The following PTPRN2 variants were observed in gnomAD, a reference collection of about 807,000 sequenced individuals.
PTPRN2 encodes receptor-type tyrosine-protein phosphatase N2.
Under a neutral mutation model 118.8 loss-of-function variants are expected in PTPRN2, and 74 were observed. The ratio of observed to expected loss-of-function variants is 0.62; its 90% CI spans 0.52 to 0.76. The LOEUF (loss-of-function observed/expected upper bound fraction) is 0.76. Among genes scored for constraint, PTPRN2 ranks in the 30% least tolerant of loss-of-function variants. The probability of loss-of-function intolerance (pLI) is 0.00; values close to 1 mark genes in which losing one functional copy is unlikely to be tolerated. For synonymous variants in PTPRN2, 641 were observed against 608.0 expected, an observed-to-expected ratio of 1.05 and a Z score of -0.80; for missense variants, 1,481 against 1,394.4, an observed-to-expected ratio of 1.06 and a Z score of -0.99.
chr7:158,209,542 T>C lies in PTPRN2; in HGVS notation c.278-4269A>G, dbSNP rs574417494. 2.6e-5 allele frequency among the ~76,000 whole-genome samples: 4 copies of C among 152,344 alleles called. No homozygotes were observed. In the South Asian group the frequency reaches 8.3e-4, roughly 32 times the overall value. On this transcript the variant is annotated intron_variant, in intron 3 of 22. Coordinates refer to ENST00000389418, the MANE Select transcript of PTPRN2 (RefSeq NM_002847.5). ...TACCCAACACTGGAGCATCCAGATA[T>C]ATAAAACAAATTTTATTAGAGTTAA... is the stretch of plus-strand genomic sequence containing the variant.
rs556797081 is a variant in PTPRN2 at position 158,469,836 on chromosome 7, T to C, written c.163+19899A>G. Among the ~76,000 whole-genome samples, 81 of 143,020 alleles carry C rather than the reference T, an allele frequency of 5.7e-4. 1 individual carries two copies. The South Asian group carries it at 0.018, about 32-fold the overall frequency. 93.8% of individuals were successfully genotyped at this position (143,020 alleles called of 152,430 possible). A position where few individuals can be genotyped will look rare whatever the true frequency, so the allele number is the denominator to read the frequency against. On this transcript the variant is annotated intron_variant, in intron 2 of 22. Coordinates refer to ENST00000389418, the MANE Select transcript of PTPRN2 (RefSeq NM_002847.5). ...TGGGATCTGTCCTATTGCATCACAATGGGCTGTCGCCATAACAGGAGCTGG... is the reference window on the plus strand; with the variant it reads ...TGGGATCTGTCCTATTGCATCACAACGGGCTGTCGCCATAACAGGAGCTGG...
chr7:158,167,680 T>C (rs577388242), intron 5 of PTPRN2, among the ~76,000 whole-genome samples: 1 of 152,322 alleles, frequency 6.6e-6, no homozygotes, highest in East Asian at 1.9e-4. Flanking sequence ...CCTCCCACCC[T>C]GACACTGCTC....
At chr7:158,245,182 CGGAATCCGTGGTCATGCT>C (rs1222688309) in intron 3 of PTPRN2, among the ~76,000 whole-genome samples, 1 of 101,152 alleles carries the variant, frequency 9.9e-6, no homozygotes, top group Non-Finnish European at 2.2e-5. Flanking sequence ...ATGGCCATGC[CGGAATCCGTGGTCATGCT>C]GGAATCCACG....
intron 11 of PTPRN2, among the ~76,000 whole-genome samples, chr7:158,078,553 T>C (rs1342312101): frequency 1.3e-5 from 2 of 152,278 alleles, no homozygotes; most frequent in Non-Finnish European, 2.9e-5. Context: ...CCTGCTATCA[T>C]GTCAGCCTGT....
chr7:157,775,330 G>A (rs1803135466), intron 12 of PTPRN2, among the ~76,000 whole-genome samples: 2 of 152,212 alleles, frequency 1.3e-5, no homozygotes, highest in South Asian at 4.1e-4. Context: ...AGCCGCAGTG[G>A]CCAGGCTACC....
chr7:157,739,856 G>A (rs1800519591), intron 12 of PTPRN2, among the ~76,000 whole-genome samples: 1 of 152,216 alleles, frequency 6.6e-6, no homozygotes, highest in South Asian at 2.1e-4. Flanking sequence ...GAGCTCCTGG[G>A]CCGCTCATTC....
At position 157,974,868 on chromosome 7, in the gene PTPRN2, C is replaced by G. The variant is rs76399448; in HGVS notation, c.1724-76131G>C. ...GGCGGGCACTGAGAAGAGGTGCCCA[C>G]GTCCATCCCCAGCCCCTCAGGCATG... On this transcript the variant is annotated intron_variant, in intron 11 of 22. Coordinates refer to ENST00000389418, the MANE Select transcript of PTPRN2 (RefSeq NM_002847.5). The surrounding 1 kb of genome is among the most constrained non-coding windows in gnomAD (Gnocchi z 4.0). Among the ~76,000 whole-genome samples, 492 of 152,158 alleles carry G rather than the reference C, an allele frequency of 3.2e-3. 1 individual carries two copies. The highest frequency in any genetic ancestry group is 5.2e-3 in the Non-Finnish European group (350 of 67,958).
chr7:158,561,220 G>A (rs1444040406), intron 1 of PTPRN2, among the ~76,000 whole-genome samples: 3 of 152,222 alleles, frequency 2.0e-5, no homozygotes, highest in Non-Finnish European at 2.9e-5. Flanking sequence ...AATGATTCTA[G>A]AAGTAATAAC....
chr7:158,262,882 CATACAT>C (rs1187174217), intron 3 of PTPRN2, among the ~76,000 whole-genome samples: 2 of 108,764 alleles, frequency 1.8e-5, no homozygotes, highest in East Asian at 5.4e-4. Context: ...ACTGCACACA[CATACAT>C]TCACACACAC....
At position 158,150,954 on chromosome 7, in the gene PTPRN2, C is replaced by A. The variant is rs375231994; in HGVS notation, c.911-12439G>T. Among the ~76,000 whole-genome samples the A allele has an allele frequency of 5.3e-5, 8 of 151,966 alleles. No homozygotes were observed. The East Asian group carries it at 1.2e-3, about 22-fold the overall frequency. ...AGAAGCTGGGAAATATTATTCTGTG[C>A]ATCCCACCCTGCTTACAGCAATGTC... On this transcript the variant is annotated intron_variant, in intron 6 of 22. Coordinates refer to ENST00000389418, the MANE Select transcript of PTPRN2 (RefSeq NM_002847.5).
intron 1 of PTPRN2, among the ~76,000 whole-genome samples, chr7:158,564,506 G>C (rs922671255): frequency 1.3e-5 from 2 of 152,262 alleles, no homozygotes; most frequent in Non-Finnish European, 2.9e-5. Flanking sequence ...TGCCATCCCA[G>C]TGCTCCTGAA....
At chr7:158,530,225 G>T (rs529223883) in intron 1 of PTPRN2, among the ~76,000 whole-genome samples, 3 of 152,310 alleles carry the variant, frequency 2.0e-5, no homozygotes, top group Admixed American at 2.0e-4. Flanking sequence ...CCACATGCTT[G>T]CAATAAAAAG....
At chr7:158,246,701 C>G (rs904291704) in intron 3 of PTPRN2, among the ~76,000 whole-genome samples, 10 of 152,024 alleles carry the variant, frequency 6.6e-5, no homozygotes, top group Admixed American at 1.3e-4. Flanking sequence ...ACAGAGCTGA[C>G]AGGCAAGGCC....
intron 11 of PTPRN2, among the ~76,000 whole-genome samples, chr7:157,973,327 A>T (rs73745047): frequency 0.043 from 6,488 of 151,424 alleles, 463 homozygotes; most frequent in African/African-American, 0.15. Context: ...AAACCTGCAG[A>T]TGTAAAATAA....
intron 11 of PTPRN2, among the ~76,000 whole-genome samples, chr7:157,965,915 C>T (rs1801890509): frequency 6.6e-6 from 1 of 152,220 alleles, no homozygotes; most frequent in African/African-American, 2.4e-5. Flanking sequence ...CCTCGAGAGC[C>T]ACTGAACGCC....
chr7:157,709,197 G>C (rs1025725265), intron 12 of PTPRN2, among the ~76,000 whole-genome samples: 3 of 152,180 alleles, frequency 2.0e-5, no homozygotes, highest in Non-Finnish European at 2.9e-5. Flanking sequence ...CACACAGAGC[G>C]GCCCTGCTGA....
rs148233818 is a variant in PTPRN2, at chr7:158,045,712, G to A, written c.1723+35586C>T. 2.3e-3 allele frequency among the ~76,000 whole-genome samples: 344 copies of A among 151,326 alleles called. 1 individual carries two copies. The highest frequency in any genetic ancestry group is 7.8e-3 in the African/African-American group (320 of 41,078). ...CAGGAGCAGAACCTGTGATCCTGGC[G>A]TCCTGACACTGCCTTGTTCTGTCCA... On this transcript the variant is annotated intron_variant, in intron 11 of 22. Transcript: ENST00000389418.
chr7:157,758,264 C>T (rs1801922414), intron 12 of PTPRN2, among the ~76,000 whole-genome samples: 1 of 152,242 alleles, frequency 6.6e-6, no homozygotes, highest in South Asian at 2.1e-4. Flanking sequence ...TGGTGTTGCC[C>T]ACAGTCCAGG....
At chr7:158,249,720 C>G (rs1018452281) in intron 3 of PTPRN2, among the ~76,000 whole-genome samples, 2 of 152,210 alleles carry the variant, frequency 1.3e-5, no homozygotes, top group African/African-American at 4.8e-5. Flanking sequence ...AAAGCCCCAT[C>G]CCCTGGGGAC....
Sources: allele counts gnomAD v4.1 joint callset (sites outside exome capture counted in the v4.1 genomes callset), GRCh38; gene constraint gnomAD v4.1.1; non-coding constraint Gnocchi (gnomAD v3.1); transcripts MANE v1.5; gene names NCBI Gene and HGNC (gene_info 2026-07-23, HGNC 2026-07-21).